The following SNAP91 variants were observed in gnomAD, a reference collection of about 807,000 sequenced individuals.
SNAP91 encodes clathrin coat assembly protein AP180.
A neutral mutation model predicts 100.3 loss-of-function variants in SNAP91; 27 were observed. The ratio of observed to expected loss-of-function variants is 0.27; its 90% confidence interval spans 0.20 to 0.37. The LOEUF is 0.37. SNAP91 is among the 10% of genes least tolerant of loss of function. The probability of loss-of-function intolerance (pLI) is 1.00; values close to 1 mark genes in which losing one functional copy is unlikely to be tolerated. For synonymous variants in SNAP91, 404 were observed against 398.6 expected (o/e 1.01, Z -0.16); for missense variants, 986 against 1,123.7 (o/e 0.88, Z 1.75).
At chr6:83,635,355 CT>C (rs2097390593) in intron 8 of SNAP91, among the ~76,000 whole-genome samples, 1 of 152,122 alleles carries the variant, frequency 6.6e-6, no homozygotes, top group Non-Finnish European at 1.5e-5. Flanking sequence ...ATAGTTAAGT[CT>C]TTTTCCCCCC....
intron 7 of SNAP91, 86 bp downstream of exon 7, chr6:83,656,668 A>T: frequency 1.6e-6 from 1 of 613,372 alleles, no homozygotes; most frequent in Non-Finnish European, 2.8e-6. Context: ...TTGCCCACCA[A>T]GTGAGACAAC....
intron 26 of SNAP91, among the ~76,000 whole-genome samples, chr6:83,570,564 G>A (rs980359517): frequency 2.3e-5 from 3 of 132,454 alleles, no homozygotes; most frequent in Non-Finnish European, 3.2e-5. Context: ...GGCGGGGGGG[G>A]AAGTGGTTTC....
rs1279237362 is a variant in SNAP91, at chr6:83,560,878, C to T, written c.2512G>A (p.Ala838Thr). Reference sequence around the variant, plus strand: ...TCATCACTCACCATTCCAAATCCTGCTCCAGGTTGTCCAACCGATGGGGCC... The same window carrying T: ...TCATCACTCACCATTCCAAATCCTGTTCCAGGTTGTCCAACCGATGGGGCC... The part of the protein sequence containing the change: ...AGAPSVGQPG[A>T]GFGMPPAGTG... The change falls in exon 27 of 30, where the codon GCA becomes ACA. Residue 838 changes from alanine to threonine, a missense_variant. Ala to Thr is a moderately conservative substitution (Grantham distance 58). Coordinates refer to ENST00000369694, the MANE Select transcript of SNAP91 (RefSeq NM_001242792.2). The T allele has an allele frequency of 1.2e-6, 2 of 1,613,798 alleles. No homozygotes were observed. Among genetic ancestry groups the T allele is most frequent in the Non-Finnish European group, 1.7e-6 (2 of 1,179,798 alleles).
chr6:83,675,804 A>G (rs1385575675), intron 2 of SNAP91, among the ~76,000 whole-genome samples: 3 of 146,730 alleles, frequency 2.0e-5, no homozygotes, highest in Non-Finnish European at 3.0e-5. Context: ...AGTATATAGC[A>G]CAGAGCCTGA....
rs571004652 is a variant in SNAP91, at chr6:83,702,402, T to A, written c.130+5396A>T. 8.5e-5 allele frequency among the ~76,000 whole-genome samples: 13 copies of A among 152,316 alleles called. No homozygotes were observed. The South Asian group carries it at 2.5e-3, about 29-fold the overall frequency. On this transcript the variant is annotated intron_variant, in intron 2 of 29. Coordinates refer to ENST00000369694, the MANE Select transcript of SNAP91 (RefSeq NM_001242792.2). ...AGGAGGTAAGGTATTAAAGGATATTTATTTATGAAAAGCTAAAAGAGAGGT... is the reference window on the plus strand; with the variant it reads ...AGGAGGTAAGGTATTAAAGGATATTAATTTATGAAAAGCTAAAAGAGAGGT...
chr6:83,617,853 T>C (rs1161951907), intron 9 of SNAP91, among the ~76,000 whole-genome samples: 1 of 151,856 alleles, frequency 6.6e-6, no homozygotes, highest in Non-Finnish European at 1.5e-5. Flanking sequence ...TCTCAAATAG[T>C]TGTAATACAA....
At chr6:83,606,637 C>CCAT (rs1321292403) in intron 13 of SNAP91, among the ~76,000 whole-genome samples, 1 of 152,188 alleles carries the variant, frequency 6.6e-6, no homozygotes, top group Non-Finnish European at 1.5e-5. Context: ...AGGTGCCAAG[C>CCAT]CATCAGGGTC....
chr6:83,593,097 G>T (rs1444559999), intron 19 of SNAP91, 80 bp from the exon 20 acceptor site: 1 of 1,505,238 alleles, frequency 6.6e-7, no homozygotes, highest in African/African-American at 1.4e-5. Context: ...TCTAACAAAT[G>T]CATTATCACA....
intron 16 of SNAP91, among the ~76,000 whole-genome samples, chr6:83,595,119 A>C (rs1382550382): frequency 6.6e-6 from 1 of 152,100 alleles, no homozygotes; most frequent in African/African-American, 2.4e-5. Flanking sequence ...AGCATTCCTA[A>C]GTGTTAAGTT....
chr6:83,586,329 T>C (rs2092619723), intron 22 of SNAP91, among the ~76,000 whole-genome samples: 1 of 152,236 alleles, frequency 6.6e-6, no homozygotes, highest in African/African-American at 2.4e-5. Context: ...ATTAATGTGG[T>C]TAAGAGAACA....
At chr6:83,595,591 C>T (rs1441974674) in intron 16 of SNAP91, among the ~76,000 whole-genome samples, 1 of 152,098 alleles carries the variant, frequency 6.6e-6, no homozygotes, top group African/African-American at 2.4e-5. Context: ...GAGAAGAAAA[C>T]CCTGGAGAGT....
intron 24 of SNAP91, 87 bp downstream of exon 24, chr6:83,580,363 T>A: frequency 2.2e-6 from 3 of 1,333,430 alleles, no homozygotes; most frequent in Non-Finnish European, 3.1e-6. Context: ...ACAAAACATA[T>A]GAGATGAGAG....
At chr6:83,578,988 G>C (rs1015304072) in intron 24 of SNAP91, among the ~76,000 whole-genome samples, 6 of 151,974 alleles carry the variant, frequency 3.9e-5, no homozygotes, top group Non-Finnish European at 8.8e-5. Context: ...CTCCTGAAAA[G>C]AATGTCTTTT....
At chr6:83,583,239 A>G (rs879693044) in intron 22 of SNAP91, among the ~76,000 whole-genome samples, 1 of 152,106 alleles carries the variant, frequency 6.6e-6, no homozygotes, top group Non-Finnish European at 1.5e-5. Context: ...AGCACCTGGT[A>G]CATGGCCCCC....
chr6:83,607,329 T>TTGTGTGTG (rs61335064), intron 13 of SNAP91, among the ~76,000 whole-genome samples: 6,989 of 144,808 alleles, frequency 0.048, 256 homozygotes, highest in African/African-American at 0.097. Context: ...CCAAGTTGGG[T>TTGTGTGTG]TGTGTGTGTG....
At chr6:83,556,665 A>T (rs1779370718) in intron 28 of SNAP91, among the ~76,000 whole-genome samples, 1 of 152,208 alleles carries the variant, frequency 6.6e-6, no homozygotes, top group African/African-American at 2.4e-5. Flanking sequence ...ATGAACAAAC[A>T]GTAAAACAAA....
At chr6:83,677,020 C>A (rs925841663) in intron 2 of SNAP91, among the ~76,000 whole-genome samples, 1 of 152,132 alleles carries the variant, frequency 6.6e-6, no homozygotes. Context: ...AACAACTGGA[C>A]AAAATACCTC....
intron 8 of SNAP91, among the ~76,000 whole-genome samples, chr6:83,636,110 T>G (rs1046305440): frequency 6.6e-6 from 1 of 152,174 alleles, no homozygotes; most frequent in Non-Finnish European, 1.5e-5. Context: ...TTTTTTCTTG[T>G]GTTGATCTTG....
intron 21 of SNAP91, among the ~76,000 whole-genome samples, chr6:83,591,500 A>G (rs2093742673): frequency 6.6e-6 from 1 of 152,192 alleles, no homozygotes; most frequent in Non-Finnish European, 1.5e-5. Context: ...ATTAACAAGT[A>G]ATACCTCTTT....
Sources: allele counts gnomAD v4.1 joint callset (sites outside exome capture counted in the v4.1 genomes callset), GRCh38; gene constraint gnomAD v4.1.1; transcripts MANE v1.5; gene names NCBI Gene and HGNC (gene_info 2026-07-23, HGNC 2026-07-21).